SPATC1: variants seen among roughly 807,000 people sequenced by gnomAD.
SPATC1 encodes spermatogenesis and centriole associated 1.
Under a neutral mutation model 36.5 loss-of-function variants are expected in SPATC1, and 35 were observed. The ratio of observed to expected loss-of-function variants is 0.96; its 90% CI spans 0.73 to 1.27. The LOEUF (loss-of-function observed/expected upper bound fraction) is 1.27, where lower values mean the gene tolerates loss of function less well. Among genes scored for constraint, SPATC1 ranks in the 50% most tolerant of loss-of-function variants. The pLI is 0.00. For missense variants in SPATC1, 779 were observed against 796.0 expected, an observed-to-expected ratio of 0.98 and a Z score of 0.26; for synonymous variants, 361 against 353.6, an observed-to-expected ratio of 1.02 and a Z score of -0.24.
rs1465181074 is a variant in SPATC1 at position 144,045,507 on chromosome 8, C to T, written c.1447-1120C>T. On this transcript the variant is annotated intron_variant, in intron 4 of 4. Transcript: ENST00000377470. The surrounding 1 kb of genome is among the most constrained non-coding windows in gnomAD (Gnocchi z 5.2). ...ATTCCCTGCAGGTTGGGGACCACCA[C>T]GTCAGCCATCTGGGACACAGCAGGA... is the stretch of plus-strand genomic sequence containing the variant. Among the ~76,000 whole-genome samples the T allele has an allele frequency of 2.0e-5, 3 of 152,222 alleles. No individual in the cohort carries two copies. Among genetic ancestry groups the T allele is most frequent in the Non-Finnish European group, 2.9e-5 (2 of 68,038 alleles).
chr8:144,027,990 C>A (rs943525463), intron 1 of SPATC1, among the ~76,000 whole-genome samples: 190 of 143,336 alleles, frequency 1.3e-3, no homozygotes, highest in Non-Finnish European at 2.3e-3. Context: ...GAGACTCTAT[C>A]AAAAAAAAAA....
At chr8:144,026,941 C>T (rs1393189870) in intron 1 of SPATC1, among the ~76,000 whole-genome samples, 1 of 148,032 alleles carries the variant, frequency 6.8e-6, no homozygotes, top group Non-Finnish European at 1.5e-5. Flanking sequence ...TCCTGAATAG[C>T]TGAGACTACA....
At chr8:144,023,362 TCAGAACCC>T in intron 1 of SPATC1, among the ~76,000 whole-genome samples, 3 of 143,488 alleles carry the variant, frequency 2.1e-5, no homozygotes, top group African/African-American at 2.5e-5. Flanking sequence ...CCCTCTTCCC[TCAGAACCC>T]TTTCCCTAAG....
chr8:144,023,909 C>T (rs1489325904), intron 1 of SPATC1, among the ~76,000 whole-genome samples: 2 of 148,416 alleles, frequency 1.3e-5, no homozygotes, highest in African/African-American at 5.0e-5. Flanking sequence ...GAACCCTCTT[C>T]CCTGAGGACC....
intron 4 of SPATC1, chr8:144,042,238 C>T (rs1835121025): frequency 7.1e-6 from 1 of 139,968 alleles, no homozygotes; most frequent in Non-Finnish European, 1.5e-5. Flanking sequence ...GGGGTTCAAG[C>T]CTGTCAAGTA....
rs1554752617 is a variant in SPATC1 at position 144,012,599 on chromosome 8, G to A, written c.84G>A (p.Val28=). The A allele has an allele frequency of 1.9e-6, 3 of 1,551,734 alleles. No homozygotes were observed. The highest frequency in any genetic ancestry group is 2.6e-6 in the Non-Finnish European group (3 of 1,146,996). Residue 28 remains valine (V), a synonymous_variant, in exon 1 of 5, where the codon GTG becomes GTA. Transcript: ENST00000377470. ...VRENEELKKL[V]RLIRENHELK... ...AAAATGAGGAACTGAAGAAGTTGGT[G>A]CGGCTCATTCGGGAGAATCACGAGC...
At position 144,045,232 on chromosome 8, in the gene SPATC1, T is replaced by G. The variant is rs112241240; in HGVS notation, c.1447-1395T>G. ...GGTGTCTTCCTGCCCCCCACAACTG[T>G]GCATATTACTCGTTTGCCTAGAAGG... On this transcript the variant is annotated intron_variant, in intron 4 of 4. Coordinates refer to ENST00000377470, the MANE Select transcript of SPATC1 (RefSeq NM_198572.3). The surrounding 1 kb of genome is among the most constrained non-coding windows in gnomAD (Gnocchi z 5.2). 2.2e-3 allele frequency among the ~76,000 whole-genome samples: 342 copies of G among 152,296 alleles called. 3 individuals carry two copies. The highest frequency in any genetic ancestry group is 7.5e-3 in the African/African-American group (311 of 41,566).
intron 1 of SPATC1, among the ~76,000 whole-genome samples, chr8:144,035,022 G>C (rs1834870099): frequency 2.6e-5 from 4 of 152,200 alleles, no homozygotes; most frequent in Admixed American, 2.6e-4. Context: ...AAATAGTACT[G>C]TAAATGATTT....
intron 4 of SPATC1, among the ~76,000 whole-genome samples, chr8:144,044,807 G>C (rs911362005): frequency 2.6e-5 from 4 of 152,014 alleles, no homozygotes; most frequent in African/African-American, 9.7e-5. Context: ...ACATTAGCTG[G>C]GCGTGGAGGC....
At chr8:144,015,800 C>T (rs1218296591) in intron 1 of SPATC1, among the ~76,000 whole-genome samples, 5 of 150,658 alleles carry the variant, frequency 3.3e-5, no homozygotes, top group Non-Finnish European at 5.9e-5. Flanking sequence ...GTGGCTCACG[C>T]CTGTAATCCC....
At chr8:144,042,311 ATTTTTTTT>A (rs1184651892) in intron 4 of SPATC1, among the ~76,000 whole-genome samples, 27 of 23,876 alleles carry the variant, frequency 1.1e-3, no homozygotes, top group African/African-American at 5.3e-3. Context: ...ATATATATAT[ATTTTTTTT>A]TTTTTTTTTT....
At chr8:144,025,681 A>C (rs1230842544) in intron 1 of SPATC1, among the ~76,000 whole-genome samples, 1 of 152,266 alleles carries the variant, frequency 6.6e-6, no homozygotes, top group African/African-American at 2.4e-5. Flanking sequence ...ATGAACCCAA[A>C]GGTACCCTGT....
rs200451095 is a variant in SPATC1, at chr8:144,046,611, G to T, written c.1447-16G>T. On this transcript the variant is annotated splice_polypyrimidine_tract_variant and intron_variant, in intron 4 of 4. Transcript: ENST00000377470. The surrounding 1 kb of genome is among the most constrained non-coding windows in gnomAD (Gnocchi z 6.6). Reference sequence around the variant, plus strand: ...GTGTGGCAAGGGAGGGTCCCTGATGGCCGCTGTCCCCACAGGCTTCCCTGA... The same window carrying T: ...GTGTGGCAAGGGAGGGTCCCTGATGTCCGCTGTCCCCACAGGCTTCCCTGA... The T allele has an allele frequency of 2.1e-5, 33 of 1,596,468 alleles. No homozygotes were observed. The Admixed American group carries it at 4.2e-4, about 20-fold the overall frequency.
intron 4 of SPATC1, among the ~76,000 whole-genome samples, chr8:144,043,894 G>A (rs1010151180): frequency 8.5e-5 from 13 of 152,096 alleles, no homozygotes; most frequent in Non-Finnish European, 7.4e-5. Context: ...TGCTGAGCAC[G>A]GGCACACGCC....
chr8:144,039,897 C>G lies in SPATC1; in HGVS notation c.212-12C>G. The stretch of plus-strand genomic sequence containing the variant: ...CTCCCCTGGGGTCTCAGTGCTTTCT[C>G]TGTGTTCCCAGGTGTCTTCCTGCCC... On this transcript the variant is annotated splice_polypyrimidine_tract_variant and intron_variant, in intron 1 of 4. Coordinates refer to ENST00000377470, the MANE Select transcript of SPATC1 (RefSeq NM_198572.3). 6.2e-7 allele frequency: 1 copy of G among 1,607,550 alleles called. No individual in the cohort carries two copies. The highest frequency in any genetic ancestry group is 8.5e-7 in the Non-Finnish European group (1 of 1,175,972).
chr8:144,040,960 C>T lies in SPATC1; in HGVS notation c.1159C>T (p.His387Tyr). 2 of 1,611,340 alleles carry T rather than the reference C, an allele frequency of 1.2e-6. No homozygotes were observed. The highest frequency in any genetic ancestry group is 1.7e-6 in the Non-Finnish European group (2 of 1,179,314). ...PVPHCPPHNAHSPPRTSSSPA... is the reference protein window; with the variant it reads ...PVPHCPPHNAYSPPRTSSSPA... ...CCCCCACTGTCCTCCACACAACGCC[C>T]ACTCCCCACCTCGTACCTCATCCTC... The change falls in exon 3 of 5, where the codon CAC (histidine) becomes TAC (tyrosine). Residue 387 changes from histidine to tyrosine, a missense_variant. Physicochemically the swap from His to Tyr is moderately conservative, Grantham distance 83. Coordinates refer to ENST00000377470, the MANE Select transcript of SPATC1 (RefSeq NM_198572.3).
At chr8:144,014,439 G>A (rs1466627245) in intron 1 of SPATC1, among the ~76,000 whole-genome samples, 1 of 149,896 alleles carries the variant, frequency 6.7e-6, no homozygotes, top group Non-Finnish European at 1.5e-5. Context: ...AAAGAAGGAA[G>A]AAGAAGAAGA....
chr8:144,041,416 A>G, intron 4 of SPATC1, 45 bp downstream of exon 4: 1 of 1,593,368 alleles, frequency 6.3e-7, no homozygotes, highest in South Asian at 1.1e-5. Flanking sequence ...AGGTTGGCCC[A>G]TGAGGGGCCG....
At chr8:144,019,768 C>A (rs1218311168) in intron 1 of SPATC1, among the ~76,000 whole-genome samples, 2 of 152,058 alleles carry the variant, frequency 1.3e-5, no homozygotes, top group African/African-American at 4.8e-5. Context: ...ACGGAACAGG[C>A]AGTCAAGAAA....
Sources: gnomAD v4.1 joint callset for allele counts (sites outside exome capture counted in the v4.1 genomes callset) on GRCh38, gnomAD v4.1.1 for gene constraint, Gnocchi (gnomAD v3.1) non-coding constraint, MANE v1.5 for transcripts, NCBI Gene and HGNC (gene_info 2026-07-23, HGNC 2026-07-21) for gene names.